The following TCF12 variants were observed in gnomAD, a reference collection of about 807,000 sequenced individuals.
TCF12 encodes DNA-binding protein HTF4.
TCF12 carries 45 observed loss-of-function variants against 86.0 expected under a neutral mutation model. That is an observed-to-expected ratio of 0.52 (90% confidence interval 0.41 to 0.67). The LOEUF (loss-of-function observed/expected upper bound fraction) is 0.67. TCF12 is among the 30% of genes least tolerant of loss of function. TCF12 has a pLI of 0.00. For missense variants in TCF12, 881 were observed against 859.9 expected (o/e 1.02, Z -0.31); for synonymous variants, 330 against 299.6 (o/e 1.10, Z -1.05).
intron 3 of TCF12, among the ~76,000 whole-genome samples, chr15:57,015,654 G>A (rs2065112013): frequency 6.6e-6 from 1 of 152,120 alleles, no homozygotes; most frequent in South Asian, 2.1e-4. Context: ...CCATTTGTGG[G>A]CTACATAGCC....
rs528778073 is a variant in TCF12 at position 57,057,368 on chromosome 15, G to A, written c.149-6382G>A. 8.5e-4 allele frequency among the ~76,000 whole-genome samples: 130 copies of A among 152,296 alleles called. 1 individual carries two copies. Among genetic ancestry groups the A allele is most frequent in the African/African-American group, 2.9e-3 (119 of 41,556 alleles). ...TTCTGTTGGAATTTTAGTTACTAGAGGTTATTGCTGCTTGCCTGCAGGAGA... is the reference window on the plus strand; with the variant it reads ...TTCTGTTGGAATTTTAGTTACTAGAAGTTATTGCTGCTTGCCTGCAGGAGA... On this transcript the variant is annotated intron_variant, in intron 3 of 20. Coordinates refer to ENST00000333725, the MANE Select transcript of TCF12 (RefSeq NM_207037.2).
chr15:57,282,425 A>G lies in TCF12; in HGVS notation c.1979-20A>G. 1 of 1,614,036 alleles carries G rather than the reference A, an allele frequency of 6.2e-7. No homozygotes were observed. Among genetic ancestry groups the G allele is most frequent in the South Asian group, 1.1e-5 (1 of 91,074 alleles). The stretch of plus-strand genomic sequence containing the variant: ...ATAACTTAAAACCATAGTGATAAAA[A>G]TTCTTTCCCCCTGTTTTAGAGAGGA... On this transcript the variant is annotated intron_variant, in intron 19 of 20. Transcript: ENST00000333725.
rs574570010 is a variant in TCF12, at chr15:57,282,919, A to T, written c.*11+321A>T. On this transcript the variant is annotated intron_variant, in intron 20 of 20. Coordinates refer to ENST00000333725, the MANE Select transcript of TCF12 (RefSeq NM_207037.2). The stretch of plus-strand genomic sequence containing the variant: ...ATAGTACAATGACTCAACCGTCAGA[A>T]AACGCTCTTGTTACCACTCATGTTC... 4.1e-4 allele frequency among the ~76,000 whole-genome samples: 62 copies of T among 152,348 alleles called. 1 individual carries two copies. Among genetic ancestry groups the T allele is most frequent in the Admixed American group, 2.2e-3 (34 of 15,306 alleles).
chr15:57,146,177 C>G (rs1459911558), intron 5 of TCF12, among the ~76,000 whole-genome samples: 3 of 152,098 alleles, frequency 2.0e-5, no homozygotes, highest in African/African-American at 7.2e-5. Flanking sequence ...TGTAAAGCCT[C>G]AAACTCATTA....
chr15:57,132,819 C>A (rs747769182), intron 5 of TCF12, among the ~76,000 whole-genome samples: 9 of 152,188 alleles, frequency 5.9e-5, no homozygotes, highest in Non-Finnish European at 1.2e-4. Context: ...CTGACAAGAG[C>A]TCTGTGGATG....
intron 3 of TCF12, among the ~76,000 whole-genome samples, chr15:57,059,803 C>CA (rs10717631): frequency 0.01 from 955 of 94,198 alleles, 5 homozygotes; most frequent in Non-Finnish European, 0.014. Flanking sequence ...CTCCTCCCAC[C>CA]AAAAAAAAAA....
At chr15:57,100,069 G>C (rs2049618164) in intron 5 of TCF12, among the ~76,000 whole-genome samples, 1 of 152,058 alleles carries the variant, frequency 6.6e-6, no homozygotes, top group Admixed American at 6.5e-5. Flanking sequence ...GATCCTTATT[G>C]TTTTATAGTG....
chr15:57,052,636 CAAA>C (rs10573760), intron 3 of TCF12, among the ~76,000 whole-genome samples: 46 of 122,452 alleles, frequency 3.8e-4, no homozygotes, highest in Admixed American at 5.7e-4. Context: ...GACTCCATCT[CAAA>C]AAAAAAAAAA....
chr15:57,158,054 CTATTTA>C (rs2054237853), intron 5 of TCF12, among the ~76,000 whole-genome samples: 1 of 152,026 alleles, frequency 6.6e-6, no homozygotes, highest in Admixed American at 6.6e-5. Flanking sequence ...TCATCCTCAC[CTATTTA>C]TATTTAATTT....
intron 7 of TCF12, 96 bp from the exon 8 acceptor site, chr15:57,197,677 A>G (rs1416336638): frequency 4.2e-6 from 6 of 1,418,230 alleles, no homozygotes; most frequent in African/African-American, 2.9e-5. Flanking sequence ...TTGGAAAACA[A>G]GAAAGACGCT....
chr15:57,059,401 C>G (rs2068278447), intron 3 of TCF12, among the ~76,000 whole-genome samples: 1 of 152,248 alleles, frequency 6.6e-6, no homozygotes, highest in Non-Finnish European at 1.5e-5. Context: ...AACCATTTCT[C>G]TCATTCTTGT....
intron 5 of TCF12, among the ~76,000 whole-genome samples, chr15:57,129,510 C>T (rs2051942369): frequency 6.6e-6 from 1 of 152,148 alleles, no homozygotes; most frequent in South Asian, 2.1e-4. Context: ...CTGTGATGCG[C>T]CACTGCATTC....
chr15:56,922,176 C>T (rs904725860), intron 3 of TCF12, among the ~76,000 whole-genome samples: 1 of 151,884 alleles, frequency 6.6e-6, no homozygotes, highest in Non-Finnish European at 1.5e-5. Flanking sequence ...TAGAAGATGG[C>T]TGTATTTCTT....
chr15:57,002,157 G>A (rs1300304157), intron 3 of TCF12, among the ~76,000 whole-genome samples: 1 of 152,170 alleles, frequency 6.6e-6, no homozygotes, highest in African/African-American at 2.4e-5. Flanking sequence ...AAAATTAGGA[G>A]TTGTCTCAAT....
intron 13 of TCF12, chr15:57,247,101 C>T (rs1481307009): frequency 3.5e-6 from 2 of 576,994 alleles, no homozygotes; most frequent in African/African-American, 1.9e-5. Context: ...ATAGTTCCCA[C>T]CACCACCGTA....
intron 5 of TCF12, among the ~76,000 whole-genome samples, chr15:57,150,139 A>C (rs1003871602): frequency 3.3e-5 from 5 of 152,300 alleles, no homozygotes; most frequent in Admixed American, 2.6e-4. Flanking sequence ...TGAGAAGACA[A>C]AAATCAGAAT....
At chr15:57,056,115 G>GT (rs1404773236) in intron 3 of TCF12, among the ~76,000 whole-genome samples, 4 of 97,698 alleles carry the variant, frequency 4.1e-5, no homozygotes, top group African/African-American at 9.9e-5. Flanking sequence ...TTAGTTTTAG[G>GT]GGTGTGTGTG....
chr15:57,273,384 A>G, intron 19 of TCF12, 122 bp downstream of exon 19: 1 of 998,296 alleles, frequency 1.0e-6, no homozygotes, highest in Non-Finnish European at 1.5e-6. Context: ...CTTCTACTGT[A>G]TCATCAGGGT....
chr15:57,169,315 A>C (rs2055135265), intron 6 of TCF12, among the ~76,000 whole-genome samples: 1 of 152,116 alleles, frequency 6.6e-6, no homozygotes, highest in Non-Finnish European at 1.5e-5. Flanking sequence ...AACCATAACA[A>C]ATTTGTTTAA....
Sources: gnomAD v4.1 joint callset for allele counts (sites outside exome capture counted in the v4.1 genomes callset) on GRCh38, gnomAD v4.1.1 for gene constraint, MANE v1.5 for transcripts, NCBI Gene and HGNC (gene_info 2026-07-23, HGNC 2026-07-21) for gene names.